PPIL2: variants seen among roughly 807,000 people sequenced by gnomAD.
PPIL2 encodes peptidylprolyl isomerase like 2.
In PPIL2, 50 loss-of-function variants were observed where a neutral mutation model predicts 75.2. The observed-to-expected ratio is 0.66, with a 90% CI of 0.53 to 0.84. The LOEUF is 0.84. Ranked by LOEUF, PPIL2 falls within the 40% of genes least tolerant of loss-of-function variation. PPIL2 has a pLI of 0.00. For missense variants in PPIL2, 590 were observed against 685.0 expected (o/e 0.86, Z 1.55); for synonymous variants, 245 against 258.8 (o/e 0.95, Z 0.51).
At chr22:21,671,117 GA>G in intron 4 of PPIL2, 58 bp downstream of exon 4, 1 of 1,526,598 alleles carries the variant, frequency 6.6e-7, no homozygotes, top group South Asian at 1.1e-5. Flanking sequence ...ACCCATTAAG[GA>G]AGGGGACCCT....
rs367792882 is a variant in PPIL2 at position 21,686,577 on chromosome 22, G to A, written c.790+19G>A. 227 of 1,610,876 alleles carry A rather than the reference G, an allele frequency of 1.4e-4. No homozygotes were observed. The highest frequency in any genetic ancestry group is 1.9e-4 in the Non-Finnish European group (219 of 1,177,288). ...GAAGCAGGTAGCCACCTTGGCCTCT[G>A]TAGCCACCTGCCATGTGACCCAAAA... On this transcript the variant is annotated intron_variant, in intron 11 of 19. Transcript: ENST00000398831.
chr22:21,679,609 A>C (rs1339809904), intron 6 of PPIL2, among the ~76,000 whole-genome samples: 1 of 151,244 alleles, frequency 6.6e-6, no homozygotes, highest in Non-Finnish European at 1.5e-5. Context: ...TCAAAAAACA[A>C]AACAAAACAA....
At chr22:21,685,794 TAAAA>T in intron 10 of PPIL2, 1 of 378,014 alleles carries the variant, frequency 2.6e-6, no homozygotes, top group South Asian at 2.0e-5. Context: ...TCCTCTATGA[TAAAA>T]AATAACATTT....
At chr22:21,676,309 T>TTTTGTGTGTGTG (rs71318714) in intron 6 of PPIL2, among the ~76,000 whole-genome samples, 20 of 123,062 alleles carry the variant, frequency 1.6e-4, no homozygotes, top group African/African-American at 4.8e-4. Context: ...TTTATTTATT[T>TTTTGTGTGTGTG]TGTGTGTGTG....
At chr22:21,682,355 C>A in intron 7 of PPIL2, 82 bp from the exon 8 acceptor site, 1 of 1,225,582 alleles carries the variant, frequency 8.2e-7, no homozygotes, top group Non-Finnish European at 1.2e-6. Flanking sequence ...ATGGTCGGGG[C>A]CAGCTCCAGG....
chr22:21,670,181 C>T (rs1909147519), intron 2 of PPIL2: 8 of 918,508 alleles, frequency 8.7e-6, no homozygotes, highest in Non-Finnish European at 1.3e-5. Context: ...AAATATTCCC[C>T]GATGCTGGGA....
In PPIL2 at chr22:21,692,026, G is replaced by A. The variant is rs111514252; in HGVS notation, c.1140-1790G>A. Among the ~76,000 whole-genome samples the A allele has an allele frequency of 5.4e-3, 826 of 151,704 alleles. 5 individuals carry two copies. Among genetic ancestry groups the A allele is most frequent in the Non-Finnish European group, 9.4e-3 (635 of 67,856 alleles). ...CCTGCACCACCCTGGGGAGTGCTCC[G>A]TGCCGCCAGCGCCGGGACCCACCCC... On this transcript the variant is annotated intron_variant, in intron 15 of 19. Transcript: ENST00000398831.
At position 21,697,383 on chromosome 22, in the gene PPIL2, T is replaced by G; in HGVS notation, c.*1893T>G. ...ACTGTATTCTCTGGCCACATTCAAG[T>G]CCCCCATTGGTGGGGGCAGAGAAGT... On this transcript the variant is annotated 3_prime_UTR_variant, in exon 20 of 20. Transcript: ENST00000398831. The G allele has an allele frequency of 4.6e-6, 1 of 216,022 alleles. No homozygotes were observed. Among genetic ancestry groups the G allele is most frequent in the Non-Finnish European group, 9.4e-6 (1 of 106,770 alleles). 13.4% of individuals were successfully genotyped at this position (216,022 alleles called of 1,614,324 possible). A position where few individuals can be genotyped will look rare whatever the true frequency, so the allele number is the denominator to read the frequency against.
At chr22:21,683,327 A>C (rs2067209361) in intron 9 of PPIL2, 70 bp downstream of exon 9, 1 of 1,376,378 alleles carries the variant, frequency 7.3e-7, no homozygotes, top group East Asian at 2.3e-5. Context: ...CTCCCTGGGT[A>C]AAGCCCCCGC....
At chr22:21,670,955 A>G in intron 3 of PPIL2, 42 bp from the exon 4 acceptor site, 1 of 1,538,220 alleles carries the variant, frequency 6.5e-7, no homozygotes, top group Non-Finnish European at 9.0e-7. Flanking sequence ...CATCCTGACC[A>G]GGGTGCGTGG....
At chr22:21,695,237 C>T (rs989319948) in intron 19 of PPIL2, 157 bp from the exon 20 acceptor site, 7 of 1,328,184 alleles carry the variant, frequency 5.3e-6, no homozygotes, top group Middle Eastern at 2.0e-4. Flanking sequence ...AAGGCCTGGC[C>T]GGGGCCTCTG....
intron 10 of PPIL2, among the ~76,000 whole-genome samples, chr22:21,685,119 G>T (rs1004830089): frequency 6.6e-6 from 1 of 152,244 alleles, no homozygotes; most frequent in Non-Finnish European, 1.5e-5. Flanking sequence ...ATCTGAGAAG[G>T]CAGAAGGGGA....
chr22:21,697,101 C>T lies in PPIL2; in HGVS notation c.*1611C>T. On this transcript the variant is annotated 3_prime_UTR_variant, in exon 20 of 20. Transcript: ENST00000398831. ...GACGCCCTCCATCCCTCCCGCCAGGCACTGTCCTCCGCAAGGCCTGGTGCA... is the reference window on the plus strand; with the variant it reads ...GACGCCCTCCATCCCTCCCGCCAGGTACTGTCCTCCGCAAGGCCTGGTGCA... 8.9e-7 allele frequency: 1 copy of T among 1,126,132 alleles called. No homozygotes were observed. Among genetic ancestry groups the T allele is most frequent in the Non-Finnish European group, 1.3e-6 (1 of 798,868 alleles). 69.8% of individuals were successfully genotyped at this position (1,126,132 alleles called of 1,614,324 possible).
intron 7 of PPIL2, among the ~76,000 whole-genome samples, chr22:21,681,715 G>T (rs1197551722): frequency 6.6e-6 from 1 of 152,252 alleles, no homozygotes; most frequent in Non-Finnish European, 1.5e-5. Flanking sequence ...TTGAGGACAG[G>T]CCTCTAGGGC....
At chr22:21,675,444 G>A (rs1233458790) in intron 6 of PPIL2, among the ~76,000 whole-genome samples, 1 of 152,190 alleles carries the variant, frequency 6.6e-6, no homozygotes, top group Non-Finnish European at 1.5e-5. Context: ...GCTGAGGCAG[G>A]AGAATCACTT....
chr22:21,668,518 A>G (rs1323981563), intron 1 of PPIL2, among the ~76,000 whole-genome samples: 1 of 150,476 alleles, frequency 6.6e-6, no homozygotes, highest in Non-Finnish European at 1.5e-5. Context: ...AGTACCAGCT[A>G]CTCGGGAGGC....
In PPIL2 at chr22:21,686,915, C is replaced by T. The variant is rs1210238847; in HGVS notation, c.814C>T (p.Arg272Cys). 21 of 1,613,950 alleles carry T rather than the reference C, an allele frequency of 1.3e-5. No homozygotes were observed. The highest frequency in any genetic ancestry group is 1.6e-4 in the Middle Eastern group (1 of 6,078). Residue 272 changes from arginine to cysteine, a missense_variant, in exon 12 of 20, where the codon CGC becomes TGC. Coordinates refer to ENST00000398831, the MANE Select transcript of PPIL2 (RefSeq NM_014337.4). ...AGCTGCCATCGACGAGGATGTGCTG[C>T]GCTACCAGTTTGTGAAGAAGAAGGG... is the stretch of plus-strand genomic sequence containing the variant. Reference protein sequence around the residue: ...EAAAIDEDVLRYQFVKKKGYV... With the variant: ...EAAAIDEDVLCYQFVKKKGYV...
chr22:21,672,247 A>C (rs558176108), intron 4 of PPIL2, 83 bp from the exon 5 acceptor site: 1 of 1,241,116 alleles, frequency 8.1e-7, no homozygotes, highest in South Asian at 1.2e-5. Flanking sequence ...TCTAACCTGG[A>C]AGCAGCCCTG....
chr22:21,674,266 G>A (rs1601519464), intron 5 of PPIL2, among the ~76,000 whole-genome samples: 1 of 152,162 alleles, frequency 6.6e-6, no homozygotes, highest in Admixed American at 6.5e-5. Flanking sequence ...TCCCACCTCC[G>A]GTTGTCCAGA....
Sources: allele counts gnomAD v4.1 joint callset (sites outside exome capture counted in the v4.1 genomes callset), GRCh38; gene constraint gnomAD v4.1.1; transcripts MANE v1.5; gene names NCBI Gene and HGNC (gene_info 2026-07-23, HGNC 2026-07-21).